The following PTPRD variants were observed in gnomAD, a reference collection of about 807,000 sequenced individuals.
PTPRD encodes receptor-type tyrosine-protein phosphatase delta.
In PTPRD, 34 loss-of-function variants were observed where a neutral mutation model predicts 214.5. That is an observed-to-expected ratio of 0.16 (90% CI 0.12 to 0.21). The LOEUF (loss-of-function observed/expected upper bound fraction) is 0.21. PTPRD is among the 10% of genes least tolerant of loss of function. The probability of loss-of-function intolerance (pLI) is 1.00; values close to 1 mark genes in which losing one functional copy is unlikely to be tolerated. For synonymous variants in PTPRD, 1,128 were observed against 845.7 expected, an observed-to-expected ratio of 1.33 and a Z score of -5.79; for missense variants, 2,545 against 2,398.7, an observed-to-expected ratio of 1.06 and a Z score of -1.27.
Position 10,226,688 on chromosome 9 carries a change from G to T in PTPRD, c.-545+114275C>A, listed in dbSNP as rs746662334. Among the ~76,000 whole-genome samples the T allele has an allele frequency of 4.6e-5, 7 of 152,126 alleles. No homozygotes were observed. In the South Asian group the frequency reaches 1.5e-3, roughly 32 times the overall value. On this transcript the variant is annotated intron_variant, in intron 3 of 45. Coordinates refer to ENST00000381196, the MANE Select transcript of PTPRD (RefSeq NM_002839.4). ...TACTGTTCACTTGCCCATGAAGCTA[G>T]CCCTTTTCCCATTTTACAAATGATA...
At chr9:8,667,268 C>T (rs773527878) in intron 12 of PTPRD, among the ~76,000 whole-genome samples, 58 of 152,170 alleles carry the variant, frequency 3.8e-4, no homozygotes, top group African/African-American at 1.2e-3. Context: ...GAACACGGGA[C>T]GCAGAAGTTG....
At chr9:10,346,035 C>T (rs2097074217) in intron 2 of PTPRD, among the ~76,000 whole-genome samples, 1 of 152,090 alleles carries the variant, frequency 6.6e-6, no homozygotes, top group African/African-American at 2.4e-5. Context: ...TAACCTCTTT[C>T]ATATATGACA....
intron 11 of PTPRD, among the ~76,000 whole-genome samples, chr9:8,918,230 C>T (rs1309915069): frequency 6.6e-6 from 1 of 152,126 alleles, no homozygotes; most frequent in African/African-American, 2.4e-5. Context: ...TGCTGACCGA[C>T]CCAGTCTAAC....
At chr9:9,604,332 C>G (rs1331156294) in intron 7 of PTPRD, among the ~76,000 whole-genome samples, 1 of 151,892 alleles carries the variant, frequency 6.6e-6, no homozygotes, top group Non-Finnish European at 1.5e-5. Flanking sequence ...TTATCAAAGT[C>G]AATTAATATT....
In PTPRD at chr9:10,567,333, C is replaced by T. The variant is rs563288528; in HGVS notation, c.-600+45065G>A. Among the ~76,000 whole-genome samples the T allele has an allele frequency of 5.0e-4, 76 of 152,186 alleles. 1 individual carries two copies. The South Asian group carries it at 7.5e-3, about 15-fold the overall frequency. ...AATCTATCACATATTCATAATAATA[C>T]AAATTTCAATTTTTGAGACTATTAT... On this transcript the variant is annotated intron_variant, in intron 2 of 45. Transcript: ENST00000381196.
intron 2 of PTPRD, among the ~76,000 whole-genome samples, chr9:10,509,759 T>G (rs2047382827): frequency 6.6e-6 from 1 of 151,500 alleles, no homozygotes. Flanking sequence ...TGGATGCTAC[T>G]ATGTTCCTTG....
rs540804635 is a variant in PTPRD at position 9,195,086 on chromosome 9, G to GTATATATATATA, written c.-202-11735_-202-11724dup. Among the ~76,000 whole-genome samples, 447 of 131,162 alleles carry GTATATATATATA rather than the reference G, an allele frequency of 3.4e-3. 6 individuals carry two copies. In the East Asian group the frequency reaches 0.041, roughly 12 times the overall value. 86.0% of individuals were successfully genotyped at this position (131,162 alleles called of 152,430 possible). The stretch of plus-strand genomic sequence containing the variant: ...CATATATACATATGTGTGTGTTTGT[G>GTATATATATATA]TATATATATATATATATATATACAC... On this transcript the variant is annotated intron_variant, in intron 9 of 45. Coordinates refer to ENST00000381196, the MANE Select transcript of PTPRD (RefSeq NM_002839.4).
chr9:9,730,931 T>A (rs2098179285), intron 7 of PTPRD, among the ~76,000 whole-genome samples: 1 of 152,134 alleles, frequency 6.6e-6, no homozygotes, highest in Admixed American at 6.6e-5. Context: ...TGTGCATATG[T>A]TATTATTTTG....
intron 11 of PTPRD, among the ~76,000 whole-genome samples, chr9:8,938,926 CTCAGT>C (rs1037903407): frequency 1.3e-5 from 2 of 152,174 alleles, no homozygotes; most frequent in Non-Finnish European, 2.9e-5. Context: ...ATTTGTCCAG[CTCAGT>C]TCCATTACGT....
chr9:10,086,249 G>A (rs997179155), intron 3 of PTPRD, among the ~76,000 whole-genome samples: 4 of 151,734 alleles, frequency 2.6e-5, no homozygotes, highest in African/African-American at 9.7e-5. Context: ...AATTTTAGAT[G>A]TGATCCTCCA....
intron 36 of PTPRD, among the ~76,000 whole-genome samples, chr9:8,394,125 C>T (rs2090421848): frequency 6.6e-6 from 1 of 151,496 alleles, no homozygotes; most frequent in African/African-American, 2.4e-5. Context: ...AAAAATGAGC[C>T]TGGATACAGA....
At chr9:10,169,213 G>T (rs762622508) in intron 3 of PTPRD, among the ~76,000 whole-genome samples, 17 of 151,900 alleles carry the variant, frequency 1.1e-4, no homozygotes, top group Admixed American at 5.9e-4. Flanking sequence ...GGTGGCTCAC[G>T]CCTGTAATCC....
intron 9 of PTPRD, among the ~76,000 whole-genome samples, chr9:9,287,416 T>G (rs970790546): frequency 6.6e-5 from 10 of 151,948 alleles, no homozygotes; most frequent in African/African-American, 2.4e-4. Context: ...ATTATATGTC[T>G]CAAGTTTGCA....
intron 14 of PTPRD, among the ~76,000 whole-genome samples, chr9:8,571,833 A>G (rs1208430322): frequency 6.6e-6 from 1 of 152,100 alleles, no homozygotes; most frequent in Non-Finnish European, 1.5e-5. Flanking sequence ...TATCTCCAAG[A>G]GCATGTTCTG....
At chr9:9,172,057 CA>C (rs935254459) in intron 10 of PTPRD, among the ~76,000 whole-genome samples, 4 of 152,102 alleles carry the variant, frequency 2.6e-5, no homozygotes, top group African/African-American at 9.7e-5. Context: ...AATGGTATTA[CA>C]AATCCAGTGT....
At chr9:8,667,211 C>T (rs144335059) in intron 12 of PTPRD, among the ~76,000 whole-genome samples, 9 of 152,150 alleles carry the variant, frequency 5.9e-5, no homozygotes, top group African/African-American at 1.7e-4. Flanking sequence ...TTGTGGTGGG[C>T]GCCTGTAATC....
intron 12 of PTPRD, among the ~76,000 whole-genome samples, chr9:8,695,688 T>C (rs72700375): frequency 0.027 from 4,144 of 152,272 alleles, 86 homozygotes; most frequent in East Asian, 0.064. Context: ...CTTCATAGAA[T>C]CACAAAATTC....
chr9:8,675,187 G>A (rs2097375646), intron 12 of PTPRD, among the ~76,000 whole-genome samples: 1 of 152,040 alleles, frequency 6.6e-6, no homozygotes. Flanking sequence ...ACCCGGGTTT[G>A]AAATCTGGCT....
intron 11 of PTPRD, among the ~76,000 whole-genome samples, chr9:8,880,997 G>A (rs2098441277): frequency 6.6e-6 from 1 of 152,060 alleles, no homozygotes; most frequent in Non-Finnish European, 1.5e-5. Context: ...GAACTCCTGA[G>A]GTGAAGTAAT....
Sources: allele counts gnomAD v4.1 joint callset (sites outside exome capture counted in the v4.1 genomes callset), GRCh38; gene constraint gnomAD v4.1.1; transcripts MANE v1.5; gene names NCBI Gene and HGNC (gene_info 2026-07-23, HGNC 2026-07-21).